SPIDR: variants seen among roughly 807,000 people sequenced by gnomAD.
SPIDR encodes DNA repair-scaffolding protein.
Under a neutral mutation model 104.6 loss-of-function variants are expected in SPIDR, and 93 were observed. The observed-to-expected ratio is 0.89, with a 90% CI of 0.75 to 1.06. The LOEUF is 1.06. Ranked by LOEUF, SPIDR falls within the 50% of genes least tolerant of loss-of-function variation. The pLI is 0.00. For synonymous variants in SPIDR, 431 were observed against 416.9 expected (o/e 1.03, Z -0.41); for missense variants, 1,154 against 1,111.2 (o/e 1.04, Z -0.55).
chr8:47,335,964 A>T (rs1554608824), intron 5 of SPIDR, among the ~76,000 whole-genome samples: 1 of 148,332 alleles, frequency 6.7e-6, no homozygotes, highest in Non-Finnish European at 1.5e-5. Flanking sequence ...TGCTGTTCTT[A>T]GTTTCTCGGA....
At chr8:47,325,342 T>G (rs1244508593) in intron 5 of SPIDR, among the ~76,000 whole-genome samples, 3 of 152,102 alleles carry the variant, frequency 2.0e-5, no homozygotes, top group Admixed American at 2.0e-4. Flanking sequence ...TAGAGCAACA[T>G]AAGGAAATTG....
At chr8:47,641,535 A>G (rs752595836) in intron 10 of SPIDR, among the ~76,000 whole-genome samples, 1 of 152,270 alleles carries the variant, frequency 6.6e-6, no homozygotes, top group Non-Finnish European at 1.5e-5. Context: ...CATTACAAAT[A>G]TATGTTTAAT....
At chr8:47,294,176 C>A in intron 5 of SPIDR, 146 bp downstream of exon 5, 1 of 992,536 alleles carries the variant, frequency 1.0e-6, no homozygotes, top group Non-Finnish European at 1.4e-6. Context: ...TCTTTACTCA[C>A]TTATCTCTAA....
intron 10 of SPIDR, among the ~76,000 whole-genome samples, chr8:47,647,649 A>AGAGAGAGG (rs2070733719): frequency 7.0e-6 from 1 of 142,754 alleles, no homozygotes; most frequent in Non-Finnish European, 1.5e-5. Flanking sequence ...AGAGAGAGAG[A>AGAGAGAGG]GAGAGGGAGA....
intron 14 of SPIDR, among the ~76,000 whole-genome samples, chr8:47,706,612 C>T (rs762859492): frequency 2.0e-5 from 3 of 152,146 alleles, no homozygotes; most frequent in Admixed American, 6.5e-5. Context: ...TTTATAGCCA[C>T]GTCGATCCTT....
At chr8:47,303,913 T>G (rs1554579886) in intron 5 of SPIDR, among the ~76,000 whole-genome samples, 72,331 of 151,864 alleles carry the variant, frequency 0.48, 20,971 homozygotes, top group African/African-American at 0.83. Flanking sequence ...CTGACCTCAG[T>G]TGATCCACCC....
chr8:47,560,941 G>A (rs1026607580), intron 8 of SPIDR, among the ~76,000 whole-genome samples: 2 of 152,080 alleles, frequency 1.3e-5, no homozygotes, highest in Admixed American at 6.6e-5. Context: ...CTCCTTTCTG[G>A]GTGTAGCGTT....
intron 8 of SPIDR, among the ~76,000 whole-genome samples, chr8:47,567,233 T>C (rs1458171067): frequency 6.6e-6 from 1 of 151,488 alleles, no homozygotes; most frequent in Non-Finnish European, 1.5e-5. Context: ...ATATATTTTT[T>C]TTCTTTTTTT....
At chr8:47,424,029 G>A (rs2066009120) in intron 7 of SPIDR, among the ~76,000 whole-genome samples, 2 of 152,140 alleles carry the variant, frequency 1.3e-5, no homozygotes, top group African/African-American at 4.8e-5. Context: ...TTAGAGATGA[G>A]GACAATGCAG....
intron 5 of SPIDR, among the ~76,000 whole-genome samples, chr8:47,300,797 ACTGTGGT>A (rs1335769735): frequency 7.2e-5 from 11 of 152,204 alleles, no homozygotes; most frequent in Admixed American, 6.5e-5. Flanking sequence ...GTTTGATTGC[ACTGTGGT>A]CTGAGAGACA....
intron 8 of SPIDR, among the ~76,000 whole-genome samples, chr8:47,460,266 C>A (rs1400219197): frequency 7.2e-5 from 11 of 152,082 alleles, no homozygotes; most frequent in Admixed American, 5.9e-4. Flanking sequence ...TTGTTGCTGT[C>A]TATCTCGTTA....
intron 5 of SPIDR, among the ~76,000 whole-genome samples, chr8:47,386,465 T>A (rs1399449304): frequency 6.6e-6 from 1 of 152,178 alleles, no homozygotes; most frequent in Non-Finnish European, 1.5e-5. Context: ...TGCTTTGAGA[T>A]TCACTGAGGA....
At chr8:47,415,909 C>A (rs547515423) in intron 7 of SPIDR, among the ~76,000 whole-genome samples, 1 of 152,266 alleles carries the variant, frequency 6.6e-6, no homozygotes, top group East Asian at 1.9e-4. Context: ...CATCTCTTTC[C>A]CACTCTCCTC....
chr8:47,649,491 A>G (rs191981434), intron 10 of SPIDR, among the ~76,000 whole-genome samples: 1 of 152,276 alleles, frequency 6.6e-6, no homozygotes, highest in Admixed American at 6.5e-5. Flanking sequence ...TGACAACTAA[A>G]TGCAGCCCGA....
intron 8 of SPIDR, among the ~76,000 whole-genome samples, chr8:47,576,116 T>G (rs1016056583): frequency 6.6e-6 from 1 of 151,524 alleles, no homozygotes; most frequent in African/African-American, 2.4e-5. Flanking sequence ...AAACATTTTT[T>G]TGACAAGGTC....
At chr8:47,645,172 A>G (rs894801165) in intron 10 of SPIDR, among the ~76,000 whole-genome samples, 24 of 152,338 alleles carry the variant, frequency 1.6e-4, no homozygotes, top group African/African-American at 5.0e-4. Context: ...ATGTGGAGGT[A>G]CAAGAATAGG....
chr8:47,419,076 TC>T (rs2064927710), intron 7 of SPIDR: 1 of 152,304 alleles, frequency 6.6e-6, no homozygotes, highest in South Asian at 2.1e-4. Flanking sequence ...GGTCTAAAAT[TC>T]TCTTTTTTGG....
chr8:47,552,942 G>C (rs1234863958), intron 8 of SPIDR, among the ~76,000 whole-genome samples: 1 of 152,114 alleles, frequency 6.6e-6, no homozygotes, highest in Non-Finnish European at 1.5e-5. Context: ...AGGAGCTCTT[G>C]CATGGCAGGC....
intron 10 of SPIDR, among the ~76,000 whole-genome samples, chr8:47,645,285 T>C (rs760220687): frequency 6.6e-6 from 1 of 152,126 alleles, no homozygotes; most frequent in Non-Finnish European, 1.5e-5. Context: ...GGGTCTGTTT[T>C]AGAGATATGG....
Sources: allele counts gnomAD v4.1 joint callset (sites outside exome capture counted in the v4.1 genomes callset), GRCh38; gene constraint gnomAD v4.1.1; transcripts MANE v1.5; gene names NCBI Gene and HGNC (gene_info 2026-07-23, HGNC 2026-07-21).